The following ZSWIM5 variants were observed in gnomAD, a reference collection of about 807,000 sequenced individuals.
The protein encoded by ZSWIM5 is zinc finger SWIM domain-containing protein 5.
In ZSWIM5, 55 loss-of-function variants were observed where a neutral mutation model predicts 119.6. The ratio of observed to expected loss-of-function variants is 0.46; its 90% CI spans 0.37 to 0.58. ZSWIM5 has a LOEUF of 0.58. Ranked by LOEUF, ZSWIM5 falls within the 20% of genes least tolerant of loss-of-function variation. The probability of loss-of-function intolerance (pLI) is 0.00; values close to 1 mark genes in which losing one functional copy is unlikely to be tolerated. For synonymous variants in ZSWIM5, 537 were observed against 606.9 expected, an observed-to-expected ratio of 0.88 and a Z score of 1.69; for missense variants, 1,193 against 1,512.8, an observed-to-expected ratio of 0.79 and a Z score of 3.51.
intron 1 of ZSWIM5, among the ~76,000 whole-genome samples, chr1:45,132,913 C>T (rs1324443488): frequency 3.3e-5 from 5 of 152,098 alleles, no homozygotes; most frequent in East Asian, 1.9e-4. Flanking sequence ...GGTTTCCAGC[C>T]TCATCCATGT....
intron 1 of ZSWIM5, among the ~76,000 whole-genome samples, chr1:45,138,113 A>G (rs1309162730): frequency 6.6e-6 from 1 of 152,206 alleles, no homozygotes; most frequent in African/African-American, 2.4e-5. Context: ...GTGACCCCTA[A>G]CAACATGGGA....
chr1:45,177,315 T>C (rs949693940), intron 1 of ZSWIM5, among the ~76,000 whole-genome samples: 4 of 152,190 alleles, frequency 2.6e-5, no homozygotes, highest in Non-Finnish European at 4.4e-5. Context: ...AGAGTTGTTA[T>C]AGACTCTAAC....
At chr1:45,096,724 C>T (rs1032711702) in intron 1 of ZSWIM5, among the ~76,000 whole-genome samples, 3 of 152,174 alleles carry the variant, frequency 2.0e-5, no homozygotes, top group African/African-American at 7.2e-5. Context: ...AGAAGAGATG[C>T]TTCATGCCGT....
chr1:45,073,179 T>C (rs1160339747), intron 2 of ZSWIM5, among the ~76,000 whole-genome samples: 1 of 151,404 alleles, frequency 6.6e-6, no homozygotes, highest in Non-Finnish European at 1.5e-5. Context: ...TTTGTGGCCA[T>C]TGTAAATGGG....
At chr1:45,186,566 T>C (rs974822041) in intron 1 of ZSWIM5, among the ~76,000 whole-genome samples, 2 of 151,966 alleles carry the variant, frequency 1.3e-5, no homozygotes, top group Non-Finnish European at 2.9e-5. Flanking sequence ...AGCCTCTAGA[T>C]GGAATACAGC....
At chr1:45,068,361 C>T (rs1409749004) in intron 2 of ZSWIM5, among the ~76,000 whole-genome samples, 1 of 151,920 alleles carries the variant, frequency 6.6e-6, no homozygotes, top group Non-Finnish European at 1.5e-5. Context: ...CTGCCCCAGC[C>T]TCCCAAAGTG....
chr1:45,151,225 A>G (rs1259331351), intron 1 of ZSWIM5, among the ~76,000 whole-genome samples: 1 of 151,914 alleles, frequency 6.6e-6, no homozygotes, highest in African/African-American at 2.4e-5. Flanking sequence ...TAATATATAT[A>G]TACTTAAAAG....
At chr1:45,111,260 AG>A (rs1277738958) in intron 1 of ZSWIM5, among the ~76,000 whole-genome samples, 1 of 152,226 alleles carries the variant, frequency 6.6e-6, no homozygotes, top group Non-Finnish European at 1.5e-5. Context: ...GAATGGCTAC[AG>A]AGTAAGTTAA....
chr1:45,205,550 G>C (rs1570221156), intron 1 of ZSWIM5, among the ~76,000 whole-genome samples: 1 of 152,292 alleles, frequency 6.6e-6, no homozygotes, highest in East Asian at 1.9e-4. Context: ...CAAACAAAAA[G>C]AAATTGGGGT....
chr1:45,063,944 T>A (rs1215053001), intron 2 of ZSWIM5, among the ~76,000 whole-genome samples: 1 of 150,616 alleles, frequency 6.6e-6, no homozygotes, highest in Non-Finnish European at 1.5e-5. Flanking sequence ...ATTGCGCCAC[T>A]GCACTCCAGC....
chr1:45,174,985 G>A (rs937763440), intron 1 of ZSWIM5, among the ~76,000 whole-genome samples: 1 of 151,914 alleles, frequency 6.6e-6, no homozygotes, highest in South Asian at 2.1e-4. Flanking sequence ...ATAATGCACA[G>A]GCCCCATTCA....
intron 2 of ZSWIM5, among the ~76,000 whole-genome samples, chr1:45,079,032 C>G (rs1412678360): frequency 1.3e-5 from 2 of 152,164 alleles, no homozygotes; most frequent in Admixed American, 6.5e-5. Context: ...TAACTGATGA[C>G]ATTCCACCAC....
chr1:45,106,781 A>G (rs976099814), intron 1 of ZSWIM5, among the ~76,000 whole-genome samples: 1 of 152,152 alleles, frequency 6.6e-6, no homozygotes, highest in Non-Finnish European at 1.5e-5. Flanking sequence ...AAAAGGGGGA[A>G]ATGTGGGGAA....
At chr1:45,145,797 T>C (rs1468374651) in intron 1 of ZSWIM5, among the ~76,000 whole-genome samples, 1 of 152,126 alleles carries the variant, frequency 6.6e-6, no homozygotes, top group East Asian at 1.9e-4. Context: ...GTCACTTTTA[T>C]TGTGTGATAT....
chr1:45,042,481 G>T (rs1019276242), intron 6 of ZSWIM5, among the ~76,000 whole-genome samples: 4 of 152,148 alleles, frequency 2.6e-5, no homozygotes, highest in African/African-American at 4.8e-5. Context: ...TCTGGCTATT[G>T]CTTTCAAGAG....
At position 45,088,040 on chromosome 1, in the gene ZSWIM5, G is replaced by A. The variant is rs116809634; in HGVS notation, c.793C>T (p.Arg265Cys). Residue 265 changes from arginine to cysteine, a missense_variant, in exon 2 of 14, where the codon CGT becomes TGT. By Grantham distance (180) the Arg-to-Cys change is radical (BLOSUM62 -3). This residue lies in a region of ZSWIM5 where 961 missense variants were observed against 1,290.0 expected (regional missense o/e 0.74). Transcript: ENST00000359600. The surrounding 1 kb of genome is among the most constrained non-coding windows in gnomAD (Gnocchi z 4.2). ...AAAAGGGTTTCGGAGATAGGAAGAC[G>A]CAATTTGACTTGGTCTGGTTTACGG... ...RIRKPDQVKL[R>C]LPISETLFQM... is the part of the protein sequence containing the mutation. The A allele has an allele frequency of 4.2e-3, 6,752 of 1,614,148 alleles. 18 individuals are homozygous for A. Among genetic ancestry groups the A allele is most frequent in the Middle Eastern group, 8.6e-3 (52 of 6,062 alleles).
At chr1:45,128,198 G>GA (rs1437975257) in intron 1 of ZSWIM5, among the ~76,000 whole-genome samples, 1 of 151,840 alleles carries the variant, frequency 6.6e-6, no homozygotes, top group Non-Finnish European at 1.5e-5. Flanking sequence ...AAGGTAGAAA[G>GA]AAACAGTCTA....
At position 45,087,925 on chromosome 1, in the gene ZSWIM5, G is replaced by T. The variant is rs747407111; in HGVS notation, c.908C>A (p.Ala303Glu). ...TEVLPTAQKL[A>E]DEILSSNSEI... Reference sequence around the variant, plus strand: ...TGAGTTGGAGGATAGAATCTCATCTGCCAGTTTCTGTGCAGTAGGAAGAAC... The same window carrying T: ...TGAGTTGGAGGATAGAATCTCATCTTCCAGTTTCTGTGCAGTAGGAAGAAC... Residue 303 changes from alanine (A) to glutamate (E), a missense_variant, in exon 2 of 14, where the codon GCA becomes GAA. Coordinates refer to ENST00000359600, the MANE Select transcript of ZSWIM5 (RefSeq NM_020883.2). 3.1e-6 allele frequency: 5 copies of T among 1,613,470 alleles called. No individual in the cohort carries two copies. Among genetic ancestry groups the T allele is most frequent in the Non-Finnish European group, 3.4e-6 (4 of 1,179,676 alleles).
chr1:45,168,664 CAAAAAAAAAA>C (rs1024002696), intron 1 of ZSWIM5, among the ~76,000 whole-genome samples: 2 of 39,226 alleles, frequency 5.1e-5, no homozygotes, highest in African/African-American at 8.9e-5. Flanking sequence ...GACTCCATCT[CAAAAAAAAAA>C]AAAAAAAAAA....
Sources: allele counts gnomAD v4.1 joint callset (sites outside exome capture counted in the v4.1 genomes callset), GRCh38; gene constraint gnomAD v4.1.1; regional missense constraint gnomAD v4.1.1; non-coding constraint Gnocchi (gnomAD v3.1); transcripts MANE v1.5; gene names NCBI Gene and HGNC (gene_info 2026-07-23, HGNC 2026-07-21).